Variants in HSPA12B observed in about 807,000 individuals in gnomAD.
HSPA12B encodes heat shock 70 kDa protein 12B.
HSPA12B carries 54 observed loss-of-function variants against 69.3 expected under a neutral mutation model. The ratio of observed to expected loss-of-function variants is 0.78; its 90% CI spans 0.63 to 0.98. The LOEUF is 0.98. Among genes scored for constraint, HSPA12B ranks in the 50% least tolerant of loss-of-function variants. The probability of loss-of-function intolerance (pLI) is 0.00; values close to 1 mark genes in which losing one functional copy is unlikely to be tolerated. For synonymous variants in HSPA12B, 441 were observed against 436.5 expected (o/e 1.01, Z -0.13); for missense variants, 929 against 999.8 (o/e 0.93, Z 0.96).
intron 7 of HSPA12B, among the ~76,000 whole-genome samples, chr20:3,746,537 T>C (rs770252434): frequency 6.5e-4 from 98 of 151,704 alleles, no homozygotes; most frequent in African/African-American, 1.4e-3. Context: ...CTCCTGACCT[T>C]GTGATCCGCC....
At chr20:3,748,804 C>T (rs539213248) in intron 8 of HSPA12B, among the ~76,000 whole-genome samples, 5 of 152,150 alleles carry the variant, frequency 3.3e-5, no homozygotes, top group South Asian at 2.1e-4. Flanking sequence ...TCATCTTCCC[C>T]GACACACATC....
In HSPA12B at chr20:3,745,810, G is replaced by A. The variant is rs1401907736; in HGVS notation, c.559-105G>A. On this transcript the variant is annotated intron_variant, in intron 6 of 12. Transcript: ENST00000254963. This position sits in a 1 kb window ranked among gnomAD's most constrained non-coding sequence, Gnocchi z 5.6. ...GGGGGCCGATTCTTCCAGCTCTGCT[G>A]GGAAGTCCTTCCTGTGATTTGATTA... 1.4e-5 allele frequency: 16 copies of A among 1,112,570 alleles called. No individual in the cohort carries two copies. Among genetic ancestry groups the A allele is most frequent in the Non-Finnish European group, 2.1e-5 (15 of 725,994 alleles). 68.9% of individuals were successfully genotyped at this position (1,112,570 alleles called of 1,614,324 possible).
Position 3,740,991 on chromosome 20 carries a change from G to A in HSPA12B, c.141+79G>A. ...TCGTGCGTGGCAAAGTCATGACAGG[G>A]CCTCAGCTAGGAAGGAGGAGGGGAT... On this transcript the variant is annotated intron_variant, in intron 3 of 12. Transcript: ENST00000254963. This position sits in a 1 kb window ranked among gnomAD's most constrained non-coding sequence, Gnocchi z 4.9. 8.5e-7 allele frequency: 1 copy of A among 1,175,406 alleles called. No homozygotes were observed. 72.8% of individuals were successfully genotyped at this position (1,175,406 alleles called of 1,614,324 possible).
rs1474966554 is a variant in HSPA12B at position 3,750,912 on chromosome 20, G to A, written c.1405+5G>A. 6.2e-7 allele frequency: 1 copy of A among 1,613,544 alleles called. No homozygotes were observed. Among genetic ancestry groups the A allele is most frequent in the South Asian group, 1.1e-5 (1 of 91,074 alleles). ...GCGGGATCATCCAGCACATAGGTGA[G>A]CACCTGAGCTTGGTCCCCCACCCGC... On this transcript the variant is annotated splice_donor_5th_base_variant and intron_variant, in intron 12 of 12. Coordinates refer to ENST00000254963, the MANE Select transcript of HSPA12B (RefSeq NM_052970.5).
chr20:3,732,945 C>A (rs2088053457), intron 1 of HSPA12B, among the ~76,000 whole-genome samples, 151 bp downstream of exon 1: 1 of 152,212 alleles, frequency 6.6e-6, no homozygotes, highest in South Asian at 2.1e-4. Context: ...AGCGTGGCTG[C>A]GGGCTCGGGA....
intron 4 of HSPA12B, among the ~76,000 whole-genome samples, chr20:3,742,760 C>G (rs138786156): frequency 2.7e-5 from 4 of 150,840 alleles, no homozygotes; most frequent in Non-Finnish European, 5.9e-5. Context: ...TGCAAAGGCA[C>G]GATCTTAGCT....
Position 3,748,405 on chromosome 20 carries a change from G to C in HSPA12B, c.850+14G>C. 3 of 1,564,368 alleles carry C rather than the reference G, an allele frequency of 1.9e-6. No individual in the cohort carries two copies. Among genetic ancestry groups the C allele is most frequent in the South Asian group, 1.2e-5 (1 of 85,892 alleles). ...GCTTCCGTCAGGGTGAGCTGCCCCC[G>C]GGGACACCACCCACCCCTGGAGGGT... On this transcript the variant is annotated intron_variant, in intron 8 of 12. Coordinates refer to ENST00000254963, the MANE Select transcript of HSPA12B (RefSeq NM_052970.5).
chr20:3,748,219 T>C lies in HSPA12B; in HGVS notation c.678T>C (p.Ala226=), dbSNP rs2146583879. 2 of 1,556,660 alleles carry C rather than the reference T, an allele frequency of 1.3e-6. No individual in the cohort carries two copies. Among genetic ancestry groups the C allele is most frequent in the Non-Finnish European group, 8.7e-7 (1 of 1,146,542 alleles). The change falls in exon 8 of 13, where the codon GCT becomes GCC. Residue 226 remains alanine, a splice_region_variant and synonymous_variant. Transcript: ENST00000254963. ...CCCTGCCCACCACCCATCCCCAGGCTGGACTAGTGTCCCGAGAGAATGCAG... is the reference window on the plus strand; with the variant it reads ...CCCTGCCCACCACCCATCCCCAGGCCGGACTAGTGTCCCGAGAGAATGCAG... ...KQFMREAAYL[A]GLVSRENAEQ...
Position 3,739,396 on chromosome 20 carries a change from G to C in HSPA12B, c.43+679G>C, listed in dbSNP as rs924608128. 3.9e-5 allele frequency among the ~76,000 whole-genome samples: 6 copies of C among 152,252 alleles called. No individual in the cohort carries two copies. The South Asian group carries it at 1.0e-3, about 26-fold the overall frequency. Reference sequence around the variant, plus strand: ...CAGAGAGTTCTGCGTGTGCATGTGCGTCTGGCCATAGCCTGGTCTGGGAGC... The same window carrying C: ...CAGAGAGTTCTGCGTGTGCATGTGCCTCTGGCCATAGCCTGGTCTGGGAGC... On this transcript the variant is annotated intron_variant, in intron 2 of 12. Transcript: ENST00000254963.
chr20:3,736,634 A>G (rs2088112545), intron 1 of HSPA12B, among the ~76,000 whole-genome samples: 1 of 152,200 alleles, frequency 6.6e-6, no homozygotes, highest in Non-Finnish European at 1.5e-5. Flanking sequence ...AGGCCCACCA[A>G]TGAGAACATA....
intron 1 of HSPA12B, among the ~76,000 whole-genome samples, chr20:3,738,041 C>T (rs945833078): frequency 2.2e-4 from 34 of 152,148 alleles, no homozygotes; most frequent in African/African-American, 8.2e-4. Flanking sequence ...GCCCCCACCC[C>T]ACCCTGCCAC....
At position 3,751,972 on chromosome 20, in the gene HSPA12B, G is replaced by A. The variant is rs768028565; in HGVS notation, c.1867G>A (p.Gly623Ser). 1.1e-5 allele frequency: 18 copies of A among 1,578,168 alleles called. No individual in the cohort carries two copies. Among genetic ancestry groups the A allele is most frequent in the South Asian group, 3.4e-5 (3 of 88,076 alleles). Residue 623 changes from glycine to serine, a missense_variant, in exon 13 of 13, where the codon GGC becomes AGC. Around this residue, in one of 3 missense-constraint regions of HSPA12B, gnomAD observed 448 missense variants for 448.1 expected, o/e 1.00. Coordinates refer to ENST00000254963, the MANE Select transcript of HSPA12B (RefSeq NM_052970.5). ...AEDARFITDP[G>S]VRKCGALSLE... is the part of the protein sequence containing the mutation. ...GGATGCGCGCTTCATCACCGACCCCGGCGTGCGCAAATGCGGCGCGCTCAG... is the reference window on the plus strand; with the variant it reads ...GGATGCGCGCTTCATCACCGACCCCAGCGTGCGCAAATGCGGCGCGCTCAG...
At chr20:3,739,875 T>G (rs906191168) in intron 2 of HSPA12B, among the ~76,000 whole-genome samples, 1 of 152,094 alleles carries the variant, frequency 6.6e-6, no homozygotes, top group African/African-American at 2.4e-5. Context: ...GATCTCACTC[T>G]CCCTCCCTAG....
chr20:3,748,119 G>A (rs2088339517), intron 7 of HSPA12B, 98 bp from the exon 8 acceptor site: 23 of 1,097,618 alleles, frequency 2.1e-5, no homozygotes, highest in Non-Finnish European at 1.3e-6. Context: ...TGGAGGAGGA[G>A]GTGGGAGCCC....
rs531265539 is a variant in HSPA12B at position 3,743,331 on chromosome 20, C to T, written c.266+923C>T. On this transcript the variant is annotated intron_variant, in intron 4 of 12. Transcript: ENST00000254963. ...CCTGAGTAGCTAGGACTACAGACAG[C>T]ACCACCACACCTGGCTAATTTAAAA... Among the ~76,000 whole-genome samples the T allele has an allele frequency of 5.0e-4, 74 of 148,994 alleles. No homozygotes were observed. In the South Asian group the frequency reaches 0.016, roughly 32 times the overall value.
intron 1 of HSPA12B, among the ~76,000 whole-genome samples, chr20:3,738,363 C>G (rs1276813393): frequency 1.3e-5 from 2 of 152,154 alleles, no homozygotes; most frequent in Non-Finnish European, 2.9e-5. Context: ...GATCCTGATT[C>G]CAAGAAAGTA....
In HSPA12B at chr20:3,751,578, G is replaced by C. The variant is rs60858447; in HGVS notation, c.1473G>C (p.Glu491Asp). Reference protein sequence around the residue: ...KLLFLVGGFAESAVLQHAVQA... With the variant: ...KLLFLVGGFADSAVLQHAVQA... Reference sequence around the variant, plus strand: ...TGTTCCTAGTGGGCGGCTTCGCCGAGTCAGCGGTGCTGCAGCACGCGGTGC... The same window carrying C: ...TGTTCCTAGTGGGCGGCTTCGCCGACTCAGCGGTGCTGCAGCACGCGGTGC... The change falls in exon 13 of 13, where the codon GAG becomes GAC. Residue 491 changes from glutamate (E) to aspartate (D), a missense_variant. Glu to Asp is a conservative substitution (Grantham distance 45). Coordinates refer to ENST00000254963, the MANE Select transcript of HSPA12B (RefSeq NM_052970.5). 7 of 1,498,156 alleles carry C rather than the reference G, an allele frequency of 4.7e-6. No individual in the cohort carries two copies. The East Asian group carries it at 1.7e-4, about 37-fold the overall frequency. 92.8% of individuals were successfully genotyped at this position (1,498,156 alleles called of 1,614,324 possible). A position where few individuals can be genotyped will look rare whatever the true frequency, so the allele number is the denominator to read the frequency against.
rs2088444407 is a variant in HSPA12B, at chr20:3,752,364, G to A, written c.*198G>A. On this transcript the variant is annotated 3_prime_UTR_variant, in exon 13 of 13. Transcript: ENST00000254963. ...GAGACTGGCTTTGGGATTGGGCACT[G>A]GTCCGCTGACTGCCAGGCTGAAGGG... 2 of 520,938 alleles carry A rather than the reference G, an allele frequency of 3.8e-6. No individual in the cohort carries two copies. Among genetic ancestry groups the A allele is most frequent in the African/African-American group, 2.0e-5 (1 of 49,652 alleles). 32.3% of individuals were successfully genotyped at this position (520,938 alleles called of 1,614,324 possible).
intron 11 of HSPA12B, 128 bp downstream of exon 11, chr20:3,750,355 A>T: frequency 9.4e-7 from 1 of 1,059,730 alleles, no homozygotes; most frequent in Non-Finnish European, 1.3e-6. Context: ...CTAAGCCAGC[A>T]GGGCGTCGGG....
Sources: allele counts gnomAD v4.1 joint callset (sites outside exome capture counted in the v4.1 genomes callset), GRCh38; gene constraint gnomAD v4.1.1; regional missense constraint gnomAD v4.1.1; non-coding constraint Gnocchi (gnomAD v3.1); transcripts MANE v1.5; gene names NCBI Gene and HGNC (gene_info 2026-07-23, HGNC 2026-07-21).